The following L3MBTL3 variants were observed in gnomAD, a reference collection of about 807,000 sequenced individuals.
The protein encoded by L3MBTL3 is lethal(3)malignant brain tumor-like protein 3.
Under a neutral mutation model 102.3 loss-of-function variants are expected in L3MBTL3, and 27 were observed. That is an observed-to-expected ratio of 0.26 (90% confidence interval 0.19 to 0.36). The LOEUF (loss-of-function observed/expected upper bound fraction) is 0.36. Among genes scored for constraint, L3MBTL3 ranks in the 10% least tolerant of loss-of-function variants. The pLI, the probability that L3MBTL3 is intolerant of heterozygous loss-of-function variation, is 1.00. For synonymous variants in L3MBTL3, 340 were observed against 320.9 expected (o/e 1.06, Z -0.64); for missense variants, 798 against 955.3 (o/e 0.84, Z 2.17).
intron 10 of L3MBTL3, among the ~76,000 whole-genome samples, chr6:130,065,610 G>A (rs559392953): frequency 6.6e-6 from 1 of 152,264 alleles, no homozygotes; most frequent in East Asian, 1.9e-4. Flanking sequence ...AGCGGGTAGA[G>A]GTCTGGCGTG....
intron 18 of L3MBTL3, among the ~76,000 whole-genome samples, chr6:130,098,557 C>CT (rs1455570965): frequency 6.6e-6 from 1 of 152,146 alleles, no homozygotes; most frequent in African/African-American, 2.4e-5. Context: ...TGTCACTCTT[C>CT]TTTTTAAATA....
At chr6:130,109,955 A>G (rs1785245485) in intron 19 of L3MBTL3, among the ~76,000 whole-genome samples, 1 of 152,162 alleles carries the variant, frequency 6.6e-6, no homozygotes, top group African/African-American at 2.4e-5. Flanking sequence ...TAAATAGAAA[A>G]TCGTTTCCCG....
At chr6:130,021,704 G>T (rs1269290739) in intron 1 of L3MBTL3, among the ~76,000 whole-genome samples, 1 of 152,134 alleles carries the variant, frequency 6.6e-6, no homozygotes. Flanking sequence ...TAAGTGTAAG[G>T]CAATTTTATA....
intron 15 of L3MBTL3, among the ~76,000 whole-genome samples, chr6:130,084,055 A>C (rs1783526672): frequency 6.6e-6 from 1 of 152,180 alleles, no homozygotes; most frequent in Non-Finnish European, 1.5e-5. Context: ...ATTTTTCAAT[A>C]AAAACTGATG....
chr6:130,133,303 AAAG>A lies in L3MBTL3; in HGVS notation c.1967-144_1967-142del. On this transcript the variant is annotated intron_variant, in intron 20 of 22. Coordinates refer to ENST00000361794, the MANE Select transcript of L3MBTL3 (RefSeq NM_032438.4). The surrounding 1 kb of genome is among the most constrained non-coding windows in gnomAD (Gnocchi z 4.9). ...TTTTATAGTGACCTTCAGTAAAGAC[AAAG>A]AAGAGCCTATTCAATAGTATAATGC... 1.5e-6 allele frequency: 1 copy of A among 671,836 alleles called. No homozygotes were observed. Among genetic ancestry groups the A allele is most frequent in the Non-Finnish European group, 2.5e-6 (1 of 404,632 alleles). 41.6% of individuals were successfully genotyped at this position (671,836 alleles called of 1,614,324 possible). A position where few individuals can be genotyped will look rare whatever the true frequency, so the allele number is the denominator to read the frequency against.
Position 130,127,687 on chromosome 6 carries a change from A to G in L3MBTL3, c.1967-5765A>G, listed in dbSNP as rs1027578264. ...ATTTTTCTTACTATTACTCCCATCT[A>G]TCATTTTCTTCTGATATTAACGAGA... On this transcript the variant is annotated intron_variant, in intron 20 of 22. Coordinates refer to ENST00000361794, the MANE Select transcript of L3MBTL3 (RefSeq NM_032438.4). Among the ~76,000 whole-genome samples the G allele has an allele frequency of 7.2e-5, 11 of 152,266 alleles. No individual in the cohort carries two copies. The South Asian group carries it at 1.5e-3, about 20-fold the overall frequency.
chr6:130,106,936 A>G (rs953572454), intron 19 of L3MBTL3, among the ~76,000 whole-genome samples: 1 of 152,196 alleles, frequency 6.6e-6, no homozygotes, highest in African/African-American at 2.4e-5. Context: ...TTATGTTTTG[A>G]ATTGTGTGTA....
intron 2 of L3MBTL3, among the ~76,000 whole-genome samples, chr6:130,036,421 T>G (rs1294991742): frequency 6.6e-6 from 1 of 152,178 alleles, no homozygotes; most frequent in Non-Finnish European, 1.5e-5. Flanking sequence ...AACCTTAGAA[T>G]GAAAATATGG....
At chr6:130,112,059 C>T (rs1344929727) in intron 19 of L3MBTL3, among the ~76,000 whole-genome samples, 1 of 152,222 alleles carries the variant, frequency 6.6e-6, no homozygotes, top group Non-Finnish European at 1.5e-5. Flanking sequence ...GCTAATCTCT[C>T]ATCTTTGGGG....
intron 19 of L3MBTL3, among the ~76,000 whole-genome samples, chr6:130,108,000 AG>A (rs1229636909): frequency 1.7e-4 from 26 of 152,278 alleles, no homozygotes; most frequent in Non-Finnish European, 2.6e-4. Context: ...CTGTTCCTCC[AG>A]AAAAGAGCAG....
chr6:130,128,674 T>C (rs1786788489), intron 20 of L3MBTL3, among the ~76,000 whole-genome samples: 1 of 152,196 alleles, frequency 6.6e-6, no homozygotes, highest in Admixed American at 6.5e-5. Context: ...TTGAGATGAT[T>C]GTTAGCGTTC....
chr6:130,049,073 T>C lies in L3MBTL3; in HGVS notation c.103-209T>C, dbSNP rs182715631. On this transcript the variant is annotated intron_variant, in intron 3 of 22. Coordinates refer to ENST00000361794, the MANE Select transcript of L3MBTL3 (RefSeq NM_032438.4). Reference sequence around the variant, plus strand: ...ATTGGTATCCTTCAACAGACCTTGCTGCTTTGTTCTGTTCTCCTTCCTTGA... The same window carrying C: ...ATTGGTATCCTTCAACAGACCTTGCCGCTTTGTTCTGTTCTCCTTCCTTGA... Among the ~76,000 whole-genome samples, 48 of 152,298 alleles carry C rather than the reference T, an allele frequency of 3.2e-4. No homozygotes were observed. The East Asian group carries it at 8.5e-3, about 27-fold the overall frequency.
chr6:130,090,197 CAT>C (rs67532079), intron 16 of L3MBTL3, among the ~76,000 whole-genome samples: 6 of 150,670 alleles, frequency 4.0e-5, no homozygotes, highest in African/African-American at 1.5e-4. Flanking sequence ...ATTTTAAGCA[CAT>C]ATATATATAT....
intron 9 of L3MBTL3, among the ~76,000 whole-genome samples, chr6:130,057,939 C>T (rs1356314430): frequency 3.3e-5 from 5 of 150,608 alleles, no homozygotes; most frequent in South Asian, 4.2e-4. Flanking sequence ...GTCAGGAGAT[C>T]GAGACCATCC....
intron 18 of L3MBTL3, 136 bp downstream of exon 18, chr6:130,094,503 A>T (rs1383057167): frequency 2.1e-6 from 1 of 468,282 alleles, no homozygotes; most frequent in African/African-American, 2.0e-5. Context: ...TACCATGGTG[A>T]TCATGTAAAA....
At chr6:130,112,628 A>G (rs1785425107) in intron 19 of L3MBTL3, among the ~76,000 whole-genome samples, 1 of 152,210 alleles carries the variant, frequency 6.6e-6, no homozygotes, top group Non-Finnish European at 1.5e-5. Flanking sequence ...AGAGGGATGC[A>G]GCGGGCTGTG....
At chr6:130,044,558 A>G (rs1780615123) in intron 3 of L3MBTL3, among the ~76,000 whole-genome samples, 1 of 152,204 alleles carries the variant, frequency 6.6e-6, no homozygotes, top group Admixed American at 6.5e-5. Flanking sequence ...TAAGGTAATC[A>G]GGTAATTAAG....
intron 16 of L3MBTL3, among the ~76,000 whole-genome samples, chr6:130,088,226 C>A (rs1783814194): frequency 6.6e-6 from 1 of 152,128 alleles, no homozygotes; most frequent in South Asian, 2.1e-4. Context: ...GAATTAATTT[C>A]ATAGCTGAAG....
At chr6:130,058,466 G>A (rs1192675814) in intron 9 of L3MBTL3, among the ~76,000 whole-genome samples, 4 of 150,230 alleles carry the variant, frequency 2.7e-5, no homozygotes, top group East Asian at 3.9e-4. Context: ...AGTGAGACTC[G>A]GCCTCTAAAA....
Sources: allele counts gnomAD v4.1 joint callset (sites outside exome capture counted in the v4.1 genomes callset), GRCh38; gene constraint gnomAD v4.1.1; non-coding constraint Gnocchi (gnomAD v3.1); transcripts MANE v1.5; gene names NCBI Gene and HGNC (gene_info 2026-07-23, HGNC 2026-07-21).